PRKG1: variants seen among roughly 807,000 people sequenced by gnomAD.
PRKG1 encodes the protein protein kinase cGMP-dependent 1, also known as cGMP-dependent protein kinase 1.
PRKG1 carries 35 observed loss-of-function variants against 88.1 expected under a neutral mutation model. The ratio of observed to expected loss-of-function variants is 0.40; its 90% CI spans 0.30 to 0.53. The LOEUF (loss-of-function observed/expected upper bound fraction) is 0.53. PRKG1 is among the 20% of genes least tolerant of loss of function. The probability of loss-of-function intolerance (pLI) is 0.59; values close to 1 mark genes in which losing one functional copy is unlikely to be tolerated. For synonymous variants in PRKG1, 303 were observed against 292.5 expected (o/e 1.04, Z -0.37); for missense variants, 540 against 839.8 (o/e 0.64, Z 4.41).
At chr10:51,584,776 A>T (rs1838129934) in intron 3 of PRKG1, among the ~76,000 whole-genome samples, 1 of 152,126 alleles carries the variant, frequency 6.6e-6, no homozygotes, top group African/African-American at 2.4e-5. Context: ...CAGAGAAGGG[A>T]AAGAACTTAC....
At chr10:51,095,419 C>T (rs192679254) in intron 1 of PRKG1, among the ~76,000 whole-genome samples, 58 of 152,128 alleles carry the variant, frequency 3.8e-4, no homozygotes, top group African/African-American at 1.3e-3. Flanking sequence ...CAGGTTCAAG[C>T]GGGGGACTTT....
chr10:51,855,301 TCAGA>T (rs1370906299), intron 4 of PRKG1, among the ~76,000 whole-genome samples: 3 of 152,182 alleles, frequency 2.0e-5, no homozygotes, highest in African/African-American at 7.2e-5. Flanking sequence ...GTGTTTTATA[TCAGA>T]CAATCTGATT....
chr10:51,270,283 T>C (rs1264664302), intron 2 of PRKG1, among the ~76,000 whole-genome samples: 1 of 152,214 alleles, frequency 6.6e-6, no homozygotes, highest in African/African-American at 2.4e-5. Flanking sequence ...TTAGCCTATT[T>C]AATGGCAAAA....
chr10:51,464,676 G>A (rs1839838752), intron 2 of PRKG1, among the ~76,000 whole-genome samples: 1 of 151,790 alleles, frequency 6.6e-6, no homozygotes, highest in Admixed American at 6.6e-5. Context: ...CGGATCACGA[G>A]GTCAGGAGAT....
At chr10:51,467,215 A>G in intron 2 of PRKG1, among the ~76,000 whole-genome samples, 1 of 152,038 alleles carries the variant, frequency 6.6e-6, no homozygotes, top group South Asian at 2.1e-4. Context: ...GCTAGGAAGC[A>G]GATAAGACAG....
chr10:52,270,726 G>C (rs1005305017), intron 10 of PRKG1, among the ~76,000 whole-genome samples: 8 of 123,144 alleles, frequency 6.5e-5, no homozygotes, highest in African/African-American at 1.8e-4. Context: ...GTTGTGGGGT[G>C]GGGGGAGGGG....
intron 10 of PRKG1, among the ~76,000 whole-genome samples, chr10:52,259,583 C>T (rs1841386040): frequency 6.6e-6 from 1 of 152,020 alleles, no homozygotes; most frequent in African/African-American, 2.4e-5. Flanking sequence ...TTGACATATA[C>T]AACATATTAG....
chr10:52,137,417 T>C (rs1837457590), intron 8 of PRKG1, among the ~76,000 whole-genome samples: 1 of 151,998 alleles, frequency 6.6e-6, no homozygotes, highest in Admixed American at 6.6e-5. Context: ...CTTAAATATA[T>C]AAAAAACAAT....
At chr10:51,718,476 G>A (rs1841937294) in intron 3 of PRKG1, among the ~76,000 whole-genome samples, 1 of 152,180 alleles carries the variant, frequency 6.6e-6, no homozygotes, top group Non-Finnish European at 1.5e-5. Context: ...GAAGGCTAAG[G>A]AGTTTGGATT....
intron 3 of PRKG1, among the ~76,000 whole-genome samples, chr10:51,673,872 G>A (rs964910444): frequency 2.0e-5 from 3 of 152,112 alleles, no homozygotes; most frequent in African/African-American, 7.2e-5. Context: ...CCTGTGATAT[G>A]CTGCTTTTTT....
intron 3 of PRKG1, among the ~76,000 whole-genome samples, chr10:51,583,813 TG>T (rs1295607517): frequency 6.6e-6 from 1 of 152,124 alleles, no homozygotes; most frequent in Non-Finnish European, 1.5e-5. Context: ...GACAAAGTTT[TG>T]TATTGAATGC....
At chr10:51,674,756 TC>T (rs1420413758) in intron 3 of PRKG1, among the ~76,000 whole-genome samples, 3 of 152,292 alleles carry the variant, frequency 2.0e-5, no homozygotes, top group South Asian at 4.1e-4. Context: ...CCCGAGACGT[TC>T]TAGCATAGCT....
chr10:51,056,926 T>C (rs1316615634), intron 1 of PRKG1, among the ~76,000 whole-genome samples: 1 of 152,344 alleles, frequency 6.6e-6, no homozygotes, highest in East Asian at 1.9e-4. Flanking sequence ...CTGTATTCTT[T>C]TGAACTGAGA....
chr10:51,858,919 C>G (rs566305354), intron 4 of PRKG1, among the ~76,000 whole-genome samples: 1 of 152,232 alleles, frequency 6.6e-6, no homozygotes, highest in South Asian at 2.1e-4. Flanking sequence ...GGACCCACCT[C>G]TGCCTTTAAT....
At chr10:52,244,783 T>TATATATTTAAATATATATTAAG (rs1564530260) in intron 9 of PRKG1, among the ~76,000 whole-genome samples, 3 of 125,638 alleles carry the variant, frequency 2.4e-5, no homozygotes, top group South Asian at 2.8e-4. Context: ...TATACCTTAA[T>TATATATTTAAATATATATTAAG]ATATATTTAA....
intron 2 of PRKG1, among the ~76,000 whole-genome samples, chr10:51,225,455 A>T (rs1198030431): frequency 1.3e-5 from 2 of 152,204 alleles, no homozygotes; most frequent in African/African-American, 4.8e-5. Flanking sequence ...ATATAATTGT[A>T]TCCAAAGAAA....
chr10:51,971,453 T>A (rs1843712319), intron 5 of PRKG1, among the ~76,000 whole-genome samples: 1 of 152,090 alleles, frequency 6.6e-6, no homozygotes, highest in Non-Finnish European at 1.5e-5. Flanking sequence ...TGTTACCAAA[T>A]CTACAAATTT....
At chr10:51,774,142 A>G (rs1161989724) in intron 3 of PRKG1, among the ~76,000 whole-genome samples, 1 of 151,980 alleles carries the variant, frequency 6.6e-6, no homozygotes, top group Non-Finnish European at 1.5e-5. Flanking sequence ...AAAATTAAGC[A>G]CCCATTTACT....
intron 6 of PRKG1, among the ~76,000 whole-genome samples, chr10:52,055,602 A>G (rs1846091831): frequency 6.6e-6 from 1 of 152,192 alleles, no homozygotes; most frequent in Non-Finnish European, 1.5e-5. Context: ...CAGTAAAGCT[A>G]TAATCATGTT....
Sources: allele counts gnomAD v4.1 joint callset (sites outside exome capture counted in the v4.1 genomes callset), GRCh38; gene constraint gnomAD v4.1.1; transcripts MANE v1.5; gene names NCBI Gene and HGNC (gene_info 2026-07-23, HGNC 2026-07-21).